Variants in ELF1 observed in about 807,000 individuals in gnomAD.
ELF1 encodes ETS-related transcription factor Elf-1.
ELF1 carries 24 observed loss-of-function variants against 59.9 expected under a neutral mutation model. That is an observed-to-expected ratio of 0.40 (90% CI 0.29 to 0.56). ELF1 has a LOEUF of 0.56. ELF1 is among the 20% of genes least tolerant of loss of function. The pLI, the probability that ELF1 is intolerant of heterozygous loss-of-function variation, is 0.44. For missense variants in ELF1, 627 were observed against 742.2 expected (o/e 0.84, Z 1.80); for synonymous variants, 248 against 266.2 (o/e 0.93, Z 0.67).
rs187960359 is a variant in ELF1 at position 41,001,579 on chromosome 13, A to C, written c.-229+17649T>G. ...GCGTGGTTGGCATAAGAACAGACAT[A>C]CAACGTGAGAGACCCTGTTCTAAGT... is the stretch of plus-strand genomic sequence containing the variant. On this transcript the variant is annotated intron_variant, in intron 1 of 8. Transcript: ENST00000239882. Among the ~76,000 whole-genome samples the C allele has an allele frequency of 3.3e-5, 5 of 152,344 alleles. No individual in the cohort carries two copies. The South Asian group carries it at 6.2e-4, about 19-fold the overall frequency.
intron 2 of ELF1, among the ~76,000 whole-genome samples, chr13:40,965,434 C>T (rs1236848168): frequency 6.6e-6 from 1 of 151,996 alleles, no homozygotes; most frequent in African/African-American, 2.4e-5. Flanking sequence ...CCAGCCTGGC[C>T]AACATGAAGA....
Position 40,933,359 on chromosome 13 carries a change from G to A in ELF1, c.*66C>T. 1 of 1,520,488 alleles carries A rather than the reference G, an allele frequency of 6.6e-7. No homozygotes were observed. Among genetic ancestry groups the A allele is most frequent in the Non-Finnish European group, 8.8e-7 (1 of 1,132,416 alleles). 94.2% of individuals were successfully genotyped at this position (1,520,488 alleles called of 1,614,324 possible). A position where few individuals can be genotyped will look rare whatever the true frequency, so the allele number is the denominator to read the frequency against. On this transcript the variant is annotated 3_prime_UTR_variant, in exon 9 of 9. Transcript: ENST00000239882. The stretch of plus-strand genomic sequence containing the variant: ...CTCCTTAGAATTTATCTTAGAATCA[G>A]TCAGTCTGCATATAATTGAAAATGT...
intron 1 of ELF1, among the ~76,000 whole-genome samples, chr13:40,996,618 G>A (rs1874139430): frequency 6.6e-6 from 1 of 152,204 alleles, no homozygotes; most frequent in African/African-American, 2.4e-5. Context: ...AAGTGTCAGT[G>A]TAGGTTCATC....
intron 1 of ELF1, among the ~76,000 whole-genome samples, chr13:41,025,343 AG>A (rs1305195321): frequency 1.3e-5 from 2 of 152,210 alleles, no homozygotes; most frequent in East Asian, 3.8e-4. Flanking sequence ...CCTCTACAGA[AG>A]GATCTCCTCA....
intron 1 of ELF1, among the ~76,000 whole-genome samples, chr13:41,056,443 G>C (rs1159501224): frequency 6.6e-6 from 1 of 152,140 alleles, no homozygotes; most frequent in Admixed American, 6.5e-5. Context: ...ATAAACATTT[G>C]TATACAAGGT....
At chr13:40,937,690 C>T (rs1432880053) in intron 8 of ELF1, among the ~76,000 whole-genome samples, 3 of 152,196 alleles carry the variant, frequency 2.0e-5, no homozygotes, top group Admixed American at 2.0e-4. Flanking sequence ...AGGCTGGTCT[C>T]GAACTCCTGA....
intron 2 of ELF1, among the ~76,000 whole-genome samples, chr13:40,967,706 C>T (rs1050947640): frequency 1.3e-5 from 2 of 152,038 alleles, no homozygotes; most frequent in East Asian, 3.9e-4. Flanking sequence ...ATCCTCCTGC[C>T]TCAGTCTCCC....
chr13:41,060,914 T>TGCTGCCGCCGCC (rs878930377), exon 1 of ELF1: 4,439 of 344,786 alleles, frequency 0.013, 660 homozygotes, highest in African/African-American at 0.025. Flanking sequence ...AAGCTGCTGC[T>TGCTGCCGCCGCC]GCCGCCGCCG....
At chr13:40,993,370 T>A in intron 1 of ELF1, 1 of 1,022,320 alleles carries the variant, frequency 9.8e-7, no homozygotes, top group East Asian at 2.4e-5. Context: ...TGCCTGCAGG[T>A]GTGGGCAGTG....
At chr13:40,976,707 AT>A (rs987677764) in intron 2 of ELF1, among the ~76,000 whole-genome samples, 4 of 151,886 alleles carry the variant, frequency 2.6e-5, no homozygotes, top group African/African-American at 9.7e-5. Context: ...ACGCCTGCTA[AT>A]TTTGTATTTT....
At chr13:40,999,341 G>A (rs9566649) in intron 1 of ELF1, among the ~76,000 whole-genome samples, 29,687 of 139,822 alleles carry the variant, frequency 0.21, 4,121 homozygotes, top group African/African-American at 0.4. Context: ...AGGAGTTGGA[G>A]AGACTAAAGG....
chr13:41,046,532 C>T (rs1419414637), intron 1 of ELF1, among the ~76,000 whole-genome samples: 1 of 152,138 alleles, frequency 6.6e-6, no homozygotes, highest in Non-Finnish European at 1.5e-5. Flanking sequence ...TTTATTTCTC[C>T]TTCACTTATG....
At chr13:41,040,406 A>T (rs1876557285) in intron 1 of ELF1, among the ~76,000 whole-genome samples, 1 of 152,232 alleles carries the variant, frequency 6.6e-6, no homozygotes, top group South Asian at 2.1e-4. Flanking sequence ...CATAATACTT[A>T]TATATGCATG....
chr13:41,054,700 T>C (rs1877222001), intron 1 of ELF1, among the ~76,000 whole-genome samples: 1 of 152,144 alleles, frequency 6.6e-6, no homozygotes, highest in African/African-American at 2.4e-5. Context: ...CAAGGAGAGA[T>C]GTTAGGAGAT....
In ELF1 at chr13:40,959,026, G is replaced by A; in HGVS notation, c.73-10C>T. ...TAGCTGGATCACCAAGCTGGGAAGG[G>A]TTAGGGAGAGGAAAATGAAAACAAA... On this transcript the variant is annotated splice_polypyrimidine_tract_variant and intron_variant, in intron 2 of 8. Transcript: ENST00000239882. The A allele has an allele frequency of 6.3e-7, 1 of 1,583,842 alleles. No individual in the cohort carries two copies. The highest frequency in any genetic ancestry group is 8.6e-7 in the Non-Finnish European group (1 of 1,167,330).
chr13:41,035,486 AGCCAAG>A (rs1243940983), intron 1 of ELF1, among the ~76,000 whole-genome samples: 2 of 152,132 alleles, frequency 1.3e-5, no homozygotes, highest in Non-Finnish European at 1.5e-5. Context: ...GTACACAAAA[AGCCAAG>A]GCCACTTTCT....
chr13:41,029,858 A>G (rs1183247052), intron 1 of ELF1, among the ~76,000 whole-genome samples: 1 of 152,170 alleles, frequency 6.6e-6, no homozygotes, highest in Non-Finnish European at 1.5e-5. Flanking sequence ...CTGAGACAGG[A>G]AAGATGACAA....
At chr13:40,981,294 A>G (rs967517818) in intron 2 of ELF1, among the ~76,000 whole-genome samples, 1 of 152,044 alleles carries the variant, frequency 6.6e-6, no homozygotes, top group African/African-American at 2.4e-5. Context: ...AGTTAATTGT[A>G]AAGTCCCAAG....
At chr13:41,016,809 G>C (rs1201021093) in intron 1 of ELF1, among the ~76,000 whole-genome samples, 2 of 149,018 alleles carry the variant, frequency 1.3e-5, no homozygotes, top group African/African-American at 2.5e-5. Context: ...AGCTACTTGG[G>C]AGGCTGAGGC....
Sources: gnomAD v4.1 joint callset for allele counts (sites outside exome capture counted in the v4.1 genomes callset) on GRCh38, gnomAD v4.1.1 for gene constraint, MANE v1.5 for transcripts, NCBI Gene and HGNC (gene_info 2026-07-23, HGNC 2026-07-21) for gene names.